Variants in MESP1 observed in about 807,000 individuals in gnomAD.
MESP1 encodes mesoderm posterior protein 1.
In MESP1, 22 loss-of-function variants were observed where a neutral mutation model predicts 15.2. The observed-to-expected ratio is 1.45, with a 90% CI of 1.04 to 2.07. MESP1 has a LOEUF of 2.07. Among genes scored for constraint, MESP1 ranks in the 30% most tolerant of loss-of-function variants. The pLI is 0.00. For synonymous variants in MESP1, 216 were observed against 192.6 expected (o/e 1.12, Z -1.01); for missense variants, 484 against 411.9 (o/e 1.17, Z -1.51).
the MESP1 span, among the ~76,000 whole-genome samples, chr15:89,744,368 C>T: frequency 6.6e-6 from 1 of 152,190 alleles, no homozygotes; most frequent in Non-Finnish European, 1.5e-5. Flanking sequence ...CACACCCCAC[C>T]ATGGGAATGA....
rs1393060834 is a variant in MESP1 at position 89,750,866 on chromosome 15, C to CTT, written c.364_365dup (p.Ile123ArgfsTer19). 5.2e-6 allele frequency: 8 copies of CTT among 1,527,196 alleles called. No individual in the cohort carries two copies. The highest frequency in any genetic ancestry group is 7.0e-6 in the Non-Finnish European group (8 of 1,142,438). 94.6% of individuals were successfully genotyped at this position (1,527,196 alleles called of 1,614,324 possible). ...GGATAGCCAGGCGCAGCGTCTCGAT[C>CTT]TTGGTCAGGCTCTGGCCCGCGGGCG... is the stretch of plus-strand genomic sequence containing the variant. On this transcript the variant is annotated frameshift_variant, in exon 1 of 2. Transcript: ENST00000300057. LOFTEE classifies it high-confidence loss of function.
At chr15:89,732,491 C>A in the MESP1 span, among the ~76,000 whole-genome samples, 1 of 152,134 alleles carries the variant, frequency 6.6e-6, no homozygotes, top group East Asian at 1.9e-4. Context: ...ACTTATTGAA[C>A]CAACAGCATT....
rs1227147007 is a variant in MESP1 at position 89,750,935 on chromosome 15, G to A, written c.297C>T (p.Ala99=). ...EREKLRMRTL[A]RALHELRRFL... ...AGCGGCGCAGCTCGTGCAGGGCGCG[G>A]GCCAGCGTGCGCATGCGCAGTTTCT... The change falls in exon 1 of 2, where the codon GCC becomes GCT. Residue 99 remains alanine, a synonymous_variant. Transcript: ENST00000300057. 3.4e-6 allele frequency: 5 copies of A among 1,460,272 alleles called. No individual in the cohort carries two copies. Among genetic ancestry groups the A allele is most frequent in the Non-Finnish European group, 3.6e-6 (4 of 1,110,116 alleles). 90.5% of individuals were successfully genotyped at this position (1,460,272 alleles called of 1,614,324 possible). A position where few individuals can be genotyped will look rare whatever the true frequency, so the allele number is the denominator to read the frequency against.
At position 89,750,559 on chromosome 15, in the gene MESP1, C is replaced by A. The variant is rs1395574964; in HGVS notation, c.673G>T (p.Glu225Ter). 1 of 1,469,020 alleles carries A rather than the reference C, an allele frequency of 6.8e-7. No individual in the cohort carries two copies. Among genetic ancestry groups the A allele is most frequent in the Non-Finnish European group, 8.9e-7 (1 of 1,117,510 alleles). 91.0% of individuals were successfully genotyped at this position (1,469,020 alleles called of 1,614,324 possible). The change falls in exon 1 of 2, where the codon GAG becomes TAG. Residue 225 changes from glutamate (E) to a stop codon, truncating the protein, a stop_gained. Transcript: ENST00000300057. LOFTEE classifies it low-confidence loss of function (END_TRUNC). Reference protein sequence around the residue: ...EPRDPPALFAEAACPEGQAME... With the variant: ...EPRDPPALFA The stretch of plus-strand genomic sequence containing the variant: ...GCCTGCCCTTCAGGGCACGCCGCCT[C>A]GGCGAACAGCGCAGGCGGGTCGCGC...
At chr15:89,739,107 C>T in the MESP1 span, among the ~76,000 whole-genome samples, 1 of 127,174 alleles carries the variant, frequency 7.9e-6, no homozygotes, top group Admixed American at 7.6e-5. Context: ...CAGAGTCAGA[C>T]CCTGCCTCAA....
chr15:89,750,585 G>C lies in MESP1; in HGVS notation c.647C>G (p.Pro216Arg), dbSNP rs1434118768. 3 of 1,415,016 alleles carry C rather than the reference G, an allele frequency of 2.1e-6. No homozygotes were observed. Among genetic ancestry groups the C allele is most frequent in the Non-Finnish European group, 2.7e-6 (3 of 1,094,030 alleles). The allele number at this position is 1,415,016 out of a possible 1,614,324, so 87.7% of individuals were successfully genotyped here. Residue 216 changes from proline to arginine, a missense_variant, in exon 1 of 2, where the codon CCG (proline) becomes CGG (arginine). Transcript: ENST00000300057. ...ACPGARAAPEPRDPPALFAEA... is the reference protein window; with the variant it reads ...ACPGARAAPERRDPPALFAEA... ...GGCGAACAGCGCAGGCGGGTCGCGC[G>C]GCTCGGGTGCAGCTCGGGCTCCGGG...
At chr15:89,740,254 T>G in the MESP1 span, among the ~76,000 whole-genome samples, 2 of 152,182 alleles carry the variant, frequency 1.3e-5, no homozygotes, top group African/African-American at 4.8e-5. Context: ...CCATAGCTCC[T>G]CTCCGCTTCC....
the MESP1 span, chr15:89,743,410 A>G: frequency 6.2e-7 from 1 of 1,613,448 alleles, no homozygotes; most frequent in Non-Finnish European, 8.5e-7. Context: ...CCGCCCTGGG[A>G]TCTCTGAAAA....
chr15:89,738,197 T>C, the MESP1 span: 1 of 1,613,700 alleles, frequency 6.2e-7, no homozygotes, highest in Admixed American at 1.7e-5. Context: ...CCCCAAGCAC[T>C]GCCACTGGAG....
At chr15:89,735,261 TTC>T in the MESP1 span, among the ~76,000 whole-genome samples, 1 of 152,160 alleles carries the variant, frequency 6.6e-6, no homozygotes, top group Admixed American at 6.5e-5. Flanking sequence ...GTAGCTCCAG[TTC>T]TTTTATTTTC....
chr15:89,746,219 CACTT>C (rs1178117060), downstream of MESP1, among the ~76,000 whole-genome samples: 3 of 150,500 alleles, frequency 2.0e-5, no homozygotes, highest in African/African-American at 7.4e-5. Context: ...ACAGCATCCT[CACTT>C]ACTCACATCC....
At chr15:89,736,219 C>G in the MESP1 span, among the ~76,000 whole-genome samples, 2 of 152,132 alleles carry the variant, frequency 1.3e-5, no homozygotes, top group Non-Finnish European at 2.9e-5. Context: ...TGGCTGTTGC[C>G]AAAGGAGAGG....
At chr15:89,744,451 C>T in the MESP1 span, among the ~76,000 whole-genome samples, 737 of 152,282 alleles carry the variant, frequency 4.8e-3, 3 homozygotes, top group African/African-American at 0.017. Flanking sequence ...TCTCTGGAGA[C>T]GAGGAAGGAG....
downstream of MESP1, among the ~76,000 whole-genome samples, chr15:89,747,096 CCACATACACACA>C (rs1407832866): frequency 5.1e-3 from 322 of 63,728 alleles, 2 homozygotes; most frequent in Middle Eastern, 0.01. Context: ...AGCCCCACTG[CCACATACACACA>C]CACACACACA....
chr15:89,744,807 C>T, the MESP1 span, among the ~76,000 whole-genome samples: 2 of 152,198 alleles, frequency 1.3e-5, no homozygotes, highest in African/African-American at 4.8e-5. Context: ...TGGAGTCTCC[C>T]TCCGCCTCTC....
chr15:89,747,045 C>G (rs181396555), downstream of MESP1, among the ~76,000 whole-genome samples: 6,900 of 131,252 alleles, frequency 0.053, 238 homozygotes, highest in Middle Eastern at 0.11. Flanking sequence ...CACACACATG[C>G]GCATGCACAC....
the MESP1 span, among the ~76,000 whole-genome samples, chr15:89,734,012 T>TGTGTGC: frequency 6.6e-6 from 1 of 151,624 alleles, no homozygotes; most frequent in Non-Finnish European, 1.5e-5. Flanking sequence ...TGTGTGTGTG[T>TGTGTGC]GCGCGCGCGC....
rs1344180667 is a variant in MESP1 at position 89,750,965 on chromosome 15, C to T, written c.267G>A (p.Glu89=). The change falls in exon 1 of 2, where the codon GAG becomes GAA. Residue 89 remains glutamate, a synonymous_variant. Transcript: ENST00000300057. ...LGSGQRQSAS[E]REKLRMRTLA... Reference sequence around the variant, plus strand: ...GCGTGCGCATGCGCAGTTTCTCCCGCTCACTGGCGCTCTGCCTCTGCCCGC... The same window carrying T: ...GCGTGCGCATGCGCAGTTTCTCCCGTTCACTGGCGCTCTGCCTCTGCCCGC... 7 of 1,437,568 alleles carry T rather than the reference C, an allele frequency of 4.9e-6. No homozygotes were observed. Among genetic ancestry groups the T allele is most frequent in the Non-Finnish European group, 5.5e-6 (6 of 1,099,990 alleles). 89.1% of individuals were successfully genotyped at this position (1,437,568 alleles called of 1,614,324 possible). A position where few individuals can be genotyped will look rare whatever the true frequency, so the allele number is the denominator to read the frequency against.
chr15:89,743,351 G>A, the MESP1 span: 3 of 1,614,180 alleles, frequency 1.9e-6, no homozygotes, highest in East Asian at 2.2e-5. Flanking sequence ...CGGCTTCAGA[G>A]GTACTCCTTG....
Sources: gnomAD v4.1 joint callset for allele counts (sites outside exome capture counted in the v4.1 genomes callset) on GRCh38, gnomAD v4.1.1 for gene constraint, MANE v1.5 for transcripts, NCBI Gene and HGNC (gene_info 2026-07-23, HGNC 2026-07-21) for gene names.